The following PTPRD variants were observed in gnomAD, a reference collection of about 807,000 sequenced individuals.
PTPRD encodes protein tyrosine phosphatase receptor type D.
A neutral mutation model predicts 214.5 loss-of-function variants in PTPRD; 34 were observed. The ratio of observed to expected loss-of-function variants is 0.16; its 90% CI spans 0.12 to 0.21. The LOEUF is 0.21. Among genes scored for constraint, PTPRD ranks in the 10% least tolerant of loss-of-function variants. PTPRD has a pLI of 1.00. For synonymous variants in PTPRD, 1,128 were observed against 845.7 expected, an observed-to-expected ratio of 1.33 and a Z score of -5.79; for missense variants, 2,545 against 2,398.7, an observed-to-expected ratio of 1.06 and a Z score of -1.27.
chr9:10,339,068 C>T (rs2096893612), intron 3 of PTPRD, among the ~76,000 whole-genome samples: 1 of 151,572 alleles, frequency 6.6e-6, no homozygotes, highest in African/African-American at 2.4e-5. Context: ...AGCAGAGTAT[C>T]CAGGTGGTAT....
chr9:9,530,828 A>T (rs993730544), intron 8 of PTPRD, among the ~76,000 whole-genome samples: 1 of 152,158 alleles, frequency 6.6e-6, no homozygotes, highest in Non-Finnish European at 1.5e-5. Flanking sequence ...AGGGCTAAAA[A>T]TGCTGATCTC....
intron 35 of PTPRD, among the ~76,000 whole-genome samples, chr9:8,422,569 G>A (rs1286534293): frequency 2.0e-5 from 3 of 152,144 alleles, no homozygotes; most frequent in Non-Finnish European, 4.4e-5. Flanking sequence ...AGCAGTGAAC[G>A]AGGTTAGAAG....
chr9:8,626,827 G>C (rs968226457), intron 14 of PTPRD, among the ~76,000 whole-genome samples: 7 of 151,678 alleles, frequency 4.6e-5, no homozygotes, highest in African/African-American at 1.7e-4. Context: ...TGGGCCTCCA[G>C]CTGCCAACTT....
Position 9,086,166 on chromosome 9 carries a change from T to C in PTPRD, c.-142-67431A>G, listed in dbSNP as rs187646315. Among the ~76,000 whole-genome samples, 27 of 152,360 alleles carry C rather than the reference T, an allele frequency of 1.8e-4. 1 individual carries two copies. Among genetic ancestry groups the C allele is most frequent in the East Asian group, 5.8e-4 (3 of 5,192 alleles). ...CCAAATCGAATTGAAGTGTGACCTC[T>C]ATACATTTTTCACTAAAGATGACTT... On this transcript the variant is annotated intron_variant, in intron 10 of 45. Coordinates refer to ENST00000381196, the MANE Select transcript of PTPRD (RefSeq NM_002839.4).
At chr9:10,343,292 G>A (rs1449733902) in intron 2 of PTPRD, among the ~76,000 whole-genome samples, 2 of 152,000 alleles carry the variant, frequency 1.3e-5, no homozygotes, top group Non-Finnish European at 2.9e-5. Context: ...CCATGTCCCT[G>A]CAAAGGACAT....
chr9:9,345,796 G>A (rs1024846579), intron 9 of PTPRD, among the ~76,000 whole-genome samples: 83 of 152,084 alleles, frequency 5.5e-4, no homozygotes, highest in African/African-American at 1.9e-3. Context: ...ACTTCAGAAG[G>A]TTATTACAAT....
chr9:9,622,637 G>A (rs1450691838), intron 7 of PTPRD, among the ~76,000 whole-genome samples: 2 of 152,028 alleles, frequency 1.3e-5, no homozygotes, highest in Admixed American at 1.3e-4. Flanking sequence ...GATCATTGCT[G>A]GGATCACCGA....
At chr9:9,383,192 A>G (rs984059865) in intron 9 of PTPRD, among the ~76,000 whole-genome samples, 2 of 151,994 alleles carry the variant, frequency 1.3e-5, no homozygotes, top group African/African-American at 4.8e-5. Context: ...TATAACTTTC[A>G]TATCATTTCC....
chr9:9,000,695 C>T (rs1169323938), intron 11 of PTPRD, among the ~76,000 whole-genome samples: 3 of 151,960 alleles, frequency 2.0e-5, no homozygotes, highest in Non-Finnish European at 2.9e-5. Flanking sequence ...CTATTATGCA[C>T]ATCTGACTGC....
chr9:10,612,273 A>G (rs1247023436), intron 2 of PTPRD, 125 bp downstream of exon 2: 1 of 152,042 alleles, frequency 6.6e-6, no homozygotes, highest in African/African-American at 2.4e-5. Flanking sequence ...TACTGAAGTT[A>G]TATAAGTCAA....
At chr9:8,945,619 C>T (rs919585683) in intron 11 of PTPRD, among the ~76,000 whole-genome samples, 1 of 151,834 alleles carries the variant, frequency 6.6e-6, no homozygotes, top group Non-Finnish European at 1.5e-5. Context: ...CAGATTCATG[C>T]TCTACACCCT....
At chr9:9,883,480 C>A (rs1022687855) in intron 5 of PTPRD, among the ~76,000 whole-genome samples, 1 of 152,080 alleles carries the variant, frequency 6.6e-6, no homozygotes, top group Admixed American at 6.6e-5. Flanking sequence ...GTCTGGCAAT[C>A]AGGGGATACT....
In PTPRD at chr9:8,859,710, T is replaced by C. The variant is rs2098057062; in HGVS notation, c.-103-125764A>G. Among the ~76,000 whole-genome samples the C allele has an allele frequency of 2.0e-5, 3 of 151,634 alleles. 1 individual carries two copies. In the South Asian group the frequency reaches 6.3e-4, roughly 32 times the overall value. On this transcript the variant is annotated intron_variant, in intron 11 of 45. Transcript: ENST00000381196. ...GTGCTCCTGAAAGCCACCGAAGGAT[T>C]GGTCAGTAATCCTCTGCCCCCTATG...
At chr9:9,205,152 G>A (rs988222040) in intron 9 of PTPRD, among the ~76,000 whole-genome samples, 8 of 152,022 alleles carry the variant, frequency 5.3e-5, no homozygotes, top group African/African-American at 1.7e-4. Flanking sequence ...AAAATCTTCT[G>A]GAATTTGAAT....
At chr9:8,598,045 T>C (rs535710680) in intron 14 of PTPRD, among the ~76,000 whole-genome samples, 18 of 152,226 alleles carry the variant, frequency 1.2e-4, no homozygotes, top group African/African-American at 4.3e-4. Context: ...CCCTTACTAG[T>C]TAGAGAAGAG....
At position 9,342,276 on chromosome 9, in the gene PTPRD, T is replaced by C. The variant is rs574429010; in HGVS notation, c.-203+55173A>G. Reference sequence around the variant, plus strand: ...TGTAGTTTATTATAACATATTTTCATGTAGTATTTCCCTGGGTCCCTGACT... The same window carrying C: ...TGTAGTTTATTATAACATATTTTCACGTAGTATTTCCCTGGGTCCCTGACT... On this transcript the variant is annotated intron_variant, in intron 9 of 45. Transcript: ENST00000381196. Among the ~76,000 whole-genome samples the C allele has an allele frequency of 9.3e-4, 141 of 152,314 alleles. 1 individual carries two copies. Among genetic ancestry groups the C allele is most frequent in the Middle Eastern group, 3.4e-3 (1 of 294 alleles).
At chr9:8,569,281 G>A (rs2090400034) in intron 14 of PTPRD, among the ~76,000 whole-genome samples, 2 of 152,080 alleles carry the variant, frequency 1.3e-5, no homozygotes, top group Admixed American at 6.6e-5. Context: ...CCAATATTTT[G>A]CAGAAGGAAG....
chr9:9,626,160 TTTTCTTGC>T (rs1425982942), intron 7 of PTPRD, among the ~76,000 whole-genome samples: 1 of 152,124 alleles, frequency 6.6e-6, no homozygotes, highest in African/African-American at 2.4e-5. Flanking sequence ...ATCCAGGAAG[TTTTCTTGC>T]TTCCAGCCCC....
At chr9:9,774,485 G>C (rs1223364155) in intron 5 of PTPRD, among the ~76,000 whole-genome samples, 1 of 152,136 alleles carries the variant, frequency 6.6e-6, no homozygotes, top group East Asian at 1.9e-4. Context: ...TGTTCTTTAA[G>C]AAATCACTTG....
Sources: gnomAD v4.1 joint callset for allele counts (sites outside exome capture counted in the v4.1 genomes callset) on GRCh38, gnomAD v4.1.1 for gene constraint, MANE v1.5 for transcripts, NCBI Gene and HGNC (gene_info 2026-07-23, HGNC 2026-07-21) for gene names.